The following CYP51A1 variants were observed in gnomAD, a reference collection of about 807,000 sequenced individuals.
CYP51A1 encodes the protein lanosterol 14-alpha demethylase.
Under a neutral mutation model 53.5 loss-of-function variants are expected in CYP51A1, and 45 were observed. The ratio of observed to expected loss-of-function variants is 0.84; its 90% CI spans 0.66 to 1.08. The LOEUF (loss-of-function observed/expected upper bound fraction) is 1.08. Among genes scored for constraint, CYP51A1 ranks in the 50% least tolerant of loss-of-function variants. The pLI, the probability that CYP51A1 is intolerant of heterozygous loss-of-function variation, is 0.00. For synonymous variants in CYP51A1, 181 were observed against 217.7 expected (o/e 0.83, Z 1.48); for missense variants, 462 against 621.7 (o/e 0.74, Z 2.73).
intron 2 of CYP51A1, among the ~76,000 whole-genome samples, chr7:92,129,584 T>G (rs1478642934): frequency 6.6e-6 from 1 of 152,226 alleles, no homozygotes; most frequent in African/African-American, 2.4e-5. Context: ...CATTTTTTAT[T>G]TTATATTAAT....
At chr7:92,114,219 C>T (rs566807415) in intron 9 of CYP51A1, among the ~76,000 whole-genome samples, 2 of 152,148 alleles carry the variant, frequency 1.3e-5, no homozygotes, top group Admixed American at 1.3e-4. Context: ...AATCAAACCT[C>T]AAATGTCATT....
Position 92,125,144 on chromosome 7 carries a change from C to CAA in CYP51A1, c.770+1107_770+1108dup, listed in dbSNP as rs1232943204. Reference sequence around the variant, plus strand: ...GGGCGAGAGAGCAAGACTCCATCACCAAAAAAAAAAAAAAAAAAAAGAAAT... The same window carrying CAA: ...GGGCGAGAGAGCAAGACTCCATCACCAAAAAAAAAAAAAAAAAAAAAAGAAAT... On this transcript the variant is annotated intron_variant, in intron 5 of 9. Transcript: ENST00000003100. 0.016 allele frequency among the ~76,000 whole-genome samples: 1,079 copies of CAA among 67,032 alleles called. 56 individuals carry two copies. The East Asian group carries it at 0.19, about 12-fold the overall frequency. 44.0% of individuals were successfully genotyped at this position (67,032 alleles called of 152,430 possible).
intron 9 of CYP51A1, among the ~76,000 whole-genome samples, 178 bp from the exon 10 acceptor site, chr7:92,114,021 A>T (rs1487270171): frequency 2.6e-5 from 4 of 152,224 alleles, no homozygotes; most frequent in African/African-American, 9.6e-5. Context: ...GATTTTCAAT[A>T]CCACATTTTA....
In CYP51A1 at chr7:92,131,722, G is replaced by C. The variant is rs1819923576; in HGVS notation, c.291+52C>G. On this transcript the variant is annotated intron_variant, in intron 2 of 9. Coordinates refer to ENST00000003100, the MANE Select transcript of CYP51A1 (RefSeq NM_000786.4). ...CCACTTTTTTAAAAAAGTTTAAAAA[G>C]CACTTCTCTAGTTGTTTTTTTTTTT... 3.0e-6 allele frequency: 3 copies of C among 985,374 alleles called. No individual in the cohort carries two copies. In the South Asian group the frequency reaches 4.5e-5, roughly 15 times the overall value. 61.0% of individuals were successfully genotyped at this position (985,374 alleles called of 1,614,324 possible). A position where few individuals can be genotyped will look rare whatever the true frequency, so the allele number is the denominator to read the frequency against.
At chr7:92,123,632 A>G in intron 6 of CYP51A1, 102 bp downstream of exon 6, 1 of 1,149,634 alleles carries the variant, frequency 8.7e-7, no homozygotes, top group Non-Finnish European at 1.2e-6. Flanking sequence ...CTACCAACTT[A>G]TTTTGCCAGC....
chr7:92,121,338 A>C (rs1819689083), intron 7 of CYP51A1, among the ~76,000 whole-genome samples: 1 of 152,022 alleles, frequency 6.6e-6, no homozygotes, highest in Non-Finnish European at 1.5e-5. Context: ...ATCAAGTAAC[A>C]AGTTTGGTGA....
Position 92,128,428 on chromosome 7 carries a change from CTGTGTG to C in CYP51A1, c.468+446_468+451del, listed in dbSNP as rs1554479142. Among the ~76,000 whole-genome samples the C allele has an allele frequency of 1.6e-4, 23 of 143,124 alleles. No homozygotes were observed. In the East Asian group the frequency reaches 2.7e-3, roughly 17 times the overall value. 93.9% of individuals were successfully genotyped at this position (143,124 alleles called of 152,430 possible). On this transcript the variant is annotated intron_variant, in intron 3 of 9. Transcript: ENST00000003100. The stretch of plus-strand genomic sequence containing the variant: ...TATTACATTTTTGTTTGGTTGGTTT[CTGTGTG>C]TGTGTGTGTGTGTGTGTGTGTGCGC...
chr7:92,134,037 A>G, intron 1 of CYP51A1, 136 bp downstream of exon 1: 4 of 813,542 alleles, frequency 4.9e-6, no homozygotes, highest in Non-Finnish European at 7.4e-6. Flanking sequence ...CACCAAAGCC[A>G]CGCCAAGCAT....
chr7:92,134,375 G>C lies in CYP51A1; in HGVS notation c.-11C>G. ...AGCCGCCGCCGCCATTCACTCCGTC[G>C]GAAACACTGAAGGCCGAGGTCGCCA... is the stretch of plus-strand genomic sequence containing the variant. On this transcript the variant is annotated 5_prime_UTR_variant, in exon 1 of 10. Transcript: ENST00000003100. 1 of 1,566,512 alleles carries C rather than the reference G, an allele frequency of 6.4e-7. No individual in the cohort carries two copies. Among genetic ancestry groups the C allele is most frequent in the Non-Finnish European group, 8.7e-7 (1 of 1,151,736 alleles).
chr7:92,131,094 G>A (rs1007330257), intron 2 of CYP51A1, among the ~76,000 whole-genome samples: 6 of 152,122 alleles, frequency 3.9e-5, no homozygotes, highest in Non-Finnish European at 7.4e-5. Context: ...GACCCAAAGC[G>A]GAAAGAGGAA....
intron 5 of CYP51A1, among the ~76,000 whole-genome samples, chr7:92,125,113 C>A (rs563161012): frequency 2.9e-5 from 4 of 136,504 alleles, no homozygotes; most frequent in African/African-American, 1.1e-4. Context: ...CACTGCACTC[C>A]AGCCTGGGCG....
chr7:92,134,425 A>G lies in CYP51A1; in HGVS notation c.-61T>C, dbSNP rs1332650283. On this transcript the variant is annotated 5_prime_UTR_variant, in exon 1 of 10. Transcript: ENST00000003100. The stretch of plus-strand genomic sequence containing the variant: ...ACCGCTCCTCCCAATCGACGGAACG[A>G]GAGAAGCTGGCAGATGGTCGTCCAC... The G allele has an allele frequency of 3.0e-5, 44 of 1,472,832 alleles. No homozygotes were observed. Among genetic ancestry groups the G allele is most frequent in the Non-Finnish European group, 3.7e-5 (41 of 1,101,784 alleles). The allele number at this position is 1,472,832 out of a possible 1,614,324, so 91.2% of individuals were successfully genotyped here. A position where few individuals can be genotyped will look rare whatever the true frequency, so the allele number is the denominator to read the frequency against.
rs761332532 is a variant in CYP51A1, at chr7:92,117,057, C to A, written c.1338G>T (p.Val446=). ...NPASGEKFAY[V]PFGAGRHRCI... ...TAATCATCTTACCAGCTCCAAATGG[C>A]ACATAGGCAAACTTTTCCCCTGATG... Residue 446 remains valine (V), a synonymous_variant, in exon 9 of 10, where the codon GTG becomes GTT. Coordinates refer to ENST00000003100, the MANE Select transcript of CYP51A1 (RefSeq NM_000786.4). The A allele has an allele frequency of 6.2e-7, 1 of 1,611,984 alleles. No homozygotes were observed. Among genetic ancestry groups the A allele is most frequent in the Non-Finnish European group, 8.5e-7 (1 of 1,179,344 alleles).
At chr7:92,128,426 T>A (rs1426899945) in intron 3 of CYP51A1, among the ~76,000 whole-genome samples, 2 of 118,948 alleles carry the variant, frequency 1.7e-5, no homozygotes, top group Non-Finnish European at 3.1e-5. Context: ...TTTGGTTGGT[T>A]TCTGTGTGTG....
In CYP51A1 at chr7:92,112,582, C is replaced by CACTT. The variant is rs1462004021; in HGVS notation, c.*1079_*1082dup. On this transcript the variant is annotated 3_prime_UTR_variant, in exon 10 of 10. Coordinates refer to ENST00000003100, the MANE Select transcript of CYP51A1 (RefSeq NM_000786.4). ...CGGTGGCTCATGCCTGTAATCCCAG[C>CACTT]ACTTTGGGAGGCCAAGGCGGGTGGA... 1.3e-5 allele frequency: 2 copies of CACTT among 152,300 alleles called. No individual in the cohort carries two copies. The highest frequency in any genetic ancestry group is 4.8e-5 in the African/African-American group (2 of 41,426). The allele number at this position is 152,300 out of a possible 1,614,324, so 9.4% of individuals were successfully genotyped here.
chr7:92,129,074 C>CATAT lies in CYP51A1; in HGVS notation c.292-22_292-19dup. 1.9e-6 allele frequency: 3 copies of CATAT among 1,553,890 alleles called. No homozygotes were observed. Among genetic ancestry groups the CATAT allele is most frequent in the Non-Finnish European group, 2.6e-6 (3 of 1,144,024 alleles). ...GGTCCATACTAAAAAGAGAAAAGTA[C>CATAT]ATATAGTGATGTTACAAAAAATATG... On this transcript the variant is annotated intron_variant, in intron 2 of 9. Coordinates refer to ENST00000003100, the MANE Select transcript of CYP51A1 (RefSeq NM_000786.4).
chr7:92,115,442 G>C (rs1819563775), intron 9 of CYP51A1, among the ~76,000 whole-genome samples: 1 of 152,114 alleles, frequency 6.6e-6, no homozygotes, highest in Admixed American at 6.5e-5. Flanking sequence ...TGAAGACAGG[G>C]GTAGTAATTG....
At chr7:92,114,225 T>A (rs1819534684) in intron 9 of CYP51A1, among the ~76,000 whole-genome samples, 2 of 152,164 alleles carry the variant, frequency 1.3e-5, no homozygotes, top group African/African-American at 4.8e-5. Context: ...ACCTCAAATG[T>A]CATTATAAAT....
intron 2 of CYP51A1, among the ~76,000 whole-genome samples, chr7:92,130,678 T>C (rs1355227156): frequency 6.6e-6 from 1 of 152,234 alleles, no homozygotes. Context: ...TAGGTTTGCA[T>C]ATTTGAAATT....
Sources: gnomAD v4.1 joint callset for allele counts (sites outside exome capture counted in the v4.1 genomes callset) on GRCh38, gnomAD v4.1.1 for gene constraint, MANE v1.5 for transcripts, NCBI Gene and HGNC (gene_info 2026-07-23, HGNC 2026-07-21) for gene names.